ABR: variants seen among roughly 807,000 people sequenced by gnomAD.
The protein encoded by ABR is ABR activator of RhoGEF and GTPase.
Under a neutral mutation model 107.2 loss-of-function variants are expected in ABR, and 35 were observed. The ratio of observed to expected loss-of-function variants is 0.33; its 90% CI spans 0.25 to 0.43. ABR has a LOEUF of 0.43. Among genes scored for constraint, ABR ranks in the 20% least tolerant of loss-of-function variants. The pLI, the probability that ABR is intolerant of heterozygous loss-of-function variation, is 1.00. For synonymous variants in ABR, 498 were observed against 462.0 expected, an observed-to-expected ratio of 1.08 and a Z score of -1.00; for missense variants, 815 against 1,115.2, an observed-to-expected ratio of 0.73 and a Z score of 3.83.
intron 16 of ABR, among the ~76,000 whole-genome samples, chr17:1,040,635 G>A (rs1232669566): frequency 6.6e-6 from 1 of 152,236 alleles, no homozygotes; most frequent in Non-Finnish European, 1.5e-5. Context: ...TGCTGGACAA[G>A]TGACACCCAG....
chr17:1,146,694 T>C (rs1476657288), intron 1 of ABR, among the ~76,000 whole-genome samples: 1 of 126,572 alleles, frequency 7.9e-6, no homozygotes, highest in East Asian at 2.3e-4. Context: ...ACGACACCAC[T>C]GCCACCATGC....
chr17:1,147,363 T>TG (rs1277697036), intron 1 of ABR, among the ~76,000 whole-genome samples: 3 of 124,348 alleles, frequency 2.4e-5, no homozygotes, highest in Non-Finnish European at 5.5e-5. Context: ...GGGTTTTGGT[T>TG]GTTTTTTTTT....
At chr17:1,155,929 TG>T (rs2041020225) in intron 1 of ABR, 1 of 111,150 alleles carries the variant, frequency 9.0e-6, no homozygotes, top group African/African-American at 3.6e-5. Context: ...CACTCCAGCC[TG>T]GGCAAAAGAG....
chr17:1,170,017 GT>G (rs1216278288), intron 1 of ABR, among the ~76,000 whole-genome samples: 226 of 121,406 alleles, frequency 1.9e-3, no homozygotes, highest in African/African-American at 6.6e-3. Flanking sequence ...TGGGGGGGGG[GT>G]GTGTTTGTGT....
chr17:1,100,021 G>A (rs1396814836), intron 3 of ABR, among the ~76,000 whole-genome samples: 4 of 151,974 alleles, frequency 2.6e-5, no homozygotes, highest in Non-Finnish European at 5.9e-5. Context: ...AGCCACTCGG[G>A]AGGCTGAGGC....
At chr17:1,089,766 C>G (rs1436387829) in intron 4 of ABR, among the ~76,000 whole-genome samples, 2 of 152,212 alleles carry the variant, frequency 1.3e-5, no homozygotes, top group African/African-American at 4.8e-5. Flanking sequence ...TCGAGACCAG[C>G]CTGGCCGACA....
Position 1,051,871 on chromosome 17 carries a change from T to C in ABR, c.1562-1237A>G, listed in dbSNP as rs548214101. The stretch of plus-strand genomic sequence containing the variant: ...GGCAGATCACCTGAGGTCAGGAGTT[T>C]GAGACCAGCCTGACCAACATGGTGA... On this transcript the variant is annotated intron_variant, in intron 14 of 22. Coordinates refer to ENST00000302538, the MANE Select transcript of ABR (RefSeq NM_021962.5). This position sits in a 1 kb window ranked among gnomAD's most constrained non-coding sequence, Gnocchi z 4.3. 2.6e-5 allele frequency among the ~76,000 whole-genome samples: 4 copies of C among 152,094 alleles called. No homozygotes were observed. The highest frequency in any genetic ancestry group is 2.1e-4 in the South Asian group (1 of 4,812).
chr17:1,177,662 C>G (rs751054149), intron 1 of ABR, among the ~76,000 whole-genome samples: 7 of 152,112 alleles, frequency 4.6e-5, no homozygotes, highest in Non-Finnish European at 8.8e-5. Context: ...AGACAGGGTT[C>G]CATACGATTC....
At chr17:1,223,473 C>T (rs548002414) in intron 1 of ABR, among the ~76,000 whole-genome samples, 2 of 152,234 alleles carry the variant, frequency 1.3e-5, no homozygotes, top group East Asian at 3.9e-4. Context: ...AAAGCATGGA[C>T]CTGGAAGCCA....
chr17:1,055,056 G>A (rs1228257578), intron 14 of ABR, among the ~76,000 whole-genome samples: 3 of 152,120 alleles, frequency 2.0e-5, no homozygotes, highest in Admixed American at 6.6e-5. Context: ...ACAGATTCCC[G>A]TGTGGATAAC....
chr17:1,060,570 T>C (rs1270620375), intron 10 of ABR, among the ~76,000 whole-genome samples: 1 of 152,110 alleles, frequency 6.6e-6, no homozygotes, highest in African/African-American at 2.4e-5. Context: ...CACCTCAAAC[T>C]GTCAGCAGTG....
chr17:1,155,547 A>G (rs1439117815), intron 1 of ABR, among the ~76,000 whole-genome samples: 2 of 152,186 alleles, frequency 1.3e-5, no homozygotes, highest in African/African-American at 4.8e-5. Context: ...GCACGGGGGA[A>G]CCGCACGTCA....
chr17:1,045,948 A>G (rs957663876), intron 16 of ABR, among the ~76,000 whole-genome samples: 2 of 152,048 alleles, frequency 1.3e-5, no homozygotes, highest in East Asian at 3.9e-4. Flanking sequence ...TCAGCTCACT[A>G]CAACCTCCAC....
chr17:1,108,987 G>C (rs2038464111), intron 2 of ABR: 1 of 1,598,458 alleles, frequency 6.3e-7, no homozygotes, highest in South Asian at 1.1e-5. Context: ...GGGGTTCCCA[G>C]CTCGCACTCC....
rs942353505 is a variant in ABR at position 1,084,607 on chromosome 17, C to T, written c.532-980G>A. 6.6e-6 allele frequency among the ~76,000 whole-genome samples: 1 copy of T among 152,102 alleles called. No individual in the cohort carries two copies. The highest frequency in any genetic ancestry group is 1.5e-5 in the Non-Finnish European group (1 of 68,016). On this transcript the variant is annotated intron_variant, in intron 4 of 22. Coordinates refer to ENST00000302538, the MANE Select transcript of ABR (RefSeq NM_021962.5). This position sits in a 1 kb window ranked among gnomAD's most constrained non-coding sequence, Gnocchi z 4.2. ...CGCCCCTTTCTGCAAAAGGGGAAAC[C>T]GAGGCTCCATAAGTCAATTCCCCAA...
intron 1 of ABR, among the ~76,000 whole-genome samples, chr17:1,151,137 T>C (rs1408928436): frequency 6.6e-6 from 1 of 152,100 alleles, no homozygotes; most frequent in East Asian, 1.9e-4. Flanking sequence ...GGAGTAACAG[T>C]AGCACCCAAG....
At position 1,005,077 on chromosome 17, in the gene ABR, CCGGGACA is replaced by C. The variant is rs767199986; in HGVS notation, c.*996_*1002del. On this transcript the variant is annotated 3_prime_UTR_variant, in exon 23 of 23. Coordinates refer to ENST00000302538, the MANE Select transcript of ABR (RefSeq NM_021962.5). ...AAGAGCTGAGCTGCCTCCCCGCGAC[CCGGGACA>C]CCCAGCGTGGCATGTGCATTCCTCC... 5.4e-4 allele frequency: 216 copies of C among 398,902 alleles called. 2 individuals are homozygous for C. Among genetic ancestry groups the C allele is most frequent in the African/African-American group, 3.8e-3 (184 of 48,752 alleles). The allele number at this position is 398,902 out of a possible 1,614,324, so 24.7% of individuals were successfully genotyped here. A position where few individuals can be genotyped will look rare whatever the true frequency, so the allele number is the denominator to read the frequency against.
chr17:1,179,662 C>T lies in ABR; in HGVS notation c.61+5G>A, dbSNP rs2042053349. 6.5e-7 allele frequency: 1 copy of T among 1,547,452 alleles called. No individual in the cohort carries two copies. Among genetic ancestry groups the T allele is most frequent in the Non-Finnish European group, 8.7e-7 (1 of 1,146,790 alleles). On this transcript the variant is annotated splice_donor_5th_base_variant and intron_variant, in intron 1 of 22. Transcript: ENST00000302538. The surrounding 1 kb of genome is among the most constrained non-coding windows in gnomAD (Gnocchi z 4.9). The stretch of plus-strand genomic sequence containing the variant: ...TGGGGTCCCGCCCCCGCCCGGCACA[C>T]GTACTGCTGTAGAGGGTGTCGATCC...
chr17:1,043,859 G>A (rs915618670), intron 16 of ABR, among the ~76,000 whole-genome samples: 3 of 152,214 alleles, frequency 2.0e-5, no homozygotes, highest in African/African-American at 7.2e-5. Context: ...CTGTGGGGTG[G>A]GGGCTGTCCC....
Sources: gnomAD v4.1 joint callset for allele counts (sites outside exome capture counted in the v4.1 genomes callset) on GRCh38, gnomAD v4.1.1 for gene constraint, Gnocchi (gnomAD v3.1) non-coding constraint, MANE v1.5 for transcripts, NCBI Gene and HGNC (gene_info 2026-07-23, HGNC 2026-07-21) for gene names.